The following DST variants were observed in gnomAD, a reference collection of about 807,000 sequenced individuals.
The protein encoded by DST is dystonin.
Under a neutral mutation model 875.2 loss-of-function variants are expected in DST, and 253 were observed. The ratio of observed to expected loss-of-function variants is 0.29; its 90% CI spans 0.26 to 0.32. The LOEUF is 0.32. Among genes scored for constraint, DST ranks in the 10% least tolerant of loss-of-function variants. The probability of loss-of-function intolerance (pLI) is 1.00; values close to 1 mark genes in which losing one functional copy is unlikely to be tolerated. For missense variants in DST, 8,287 were observed against 9,111.6 expected, an observed-to-expected ratio of 0.91 and a Z score of 3.68; for synonymous variants, 3,124 against 3,197.1, an observed-to-expected ratio of 0.98 and a Z score of 0.77.
At chr6:56,562,979 A>G (rs942047465) in intron 55 of DST, among the ~76,000 whole-genome samples, 2 of 152,102 alleles carry the variant, frequency 1.3e-5, no homozygotes, top group Non-Finnish European at 2.9e-5. Flanking sequence ...TTCTTTATCC[A>G]GTCTATCATT....
intron 2 of DST, among the ~76,000 whole-genome samples, chr6:56,948,019 AAT>A (rs1180696255): frequency 2.6e-5 from 4 of 152,170 alleles, no homozygotes; most frequent in African/African-American, 9.7e-5. Context: ...CATCAATCAG[AAT>A]ATGTTTTCTA....
Position 56,536,880 on chromosome 6 carries a change from C to A in DST, c.16669G>T (p.Gly5557Cys), listed in dbSNP as rs774048126. 2.5e-6 allele frequency: 4 copies of A among 1,613,800 alleles called. No homozygotes were observed. The highest frequency in any genetic ancestry group is 3.4e-6 in the Non-Finnish European group (4 of 1,179,842). The change falls in exon 62 of 104, where the codon GGT becomes TGT. Residue 5557 changes from glycine to cysteine, a missense_variant. By Grantham distance (159) the Gly-to-Cys change is radical (BLOSUM62 -3). Coordinates refer to ENST00000680361, the MANE Select transcript of DST (RefSeq NM_001374736.1). ...QGKQQDVNWL[G>C]QGLIQSAAKS... ...GCAGCACTCTGAATAAGGCCTTGAC[C>A]TAACCAGTTTACATCTTGCTGTTTA...
intron 16 of DST, 62 bp downstream of exon 16, chr6:56,642,348 G>A: frequency 8.3e-7 from 1 of 1,204,130 alleles, no homozygotes; most frequent in Non-Finnish European, 1.2e-6. Context: ...AAAAGTTTTA[G>A]TTCATCCAAA....
intron 36 of DST, chr6:56,618,338 T>A: frequency 6.2e-7 from 1 of 1,614,164 alleles, no homozygotes; most frequent in Non-Finnish European, 8.5e-7. Flanking sequence ...GTGTCCAGTG[T>A]TTCTAGAGGA....
At chr6:56,530,769 G>A (rs908690774) in intron 64 of DST, among the ~76,000 whole-genome samples, 2 of 152,148 alleles carry the variant, frequency 1.3e-5, no homozygotes, top group Non-Finnish European at 2.9e-5. Flanking sequence ...TTGGAAATAC[G>A]TTTCCTCAGT....
chr6:56,813,390 TAAAAAAA>T (rs71549727), intron 4 of DST, among the ~76,000 whole-genome samples: 2 of 140,614 alleles, frequency 1.4e-5, no homozygotes, highest in Non-Finnish European at 1.5e-5. Context: ...ATAATAATAA[TAAAAAAA>T]AAAATAAAAT....
rs564958115 is a variant in DST at position 56,460,192 on chromosome 6, G to A, written c.23133C>T (p.His7711=). 1 of 1,613,998 alleles carries A rather than the reference G, an allele frequency of 6.2e-7. No homozygotes were observed. The highest frequency in any genetic ancestry group is 1.7e-5 in the Admixed American group (1 of 60,028). The part of the protein sequence containing the change: ...LPGYLSGKGF[H]SGEDSGLITT... ...TTATCAAGCCACTGTCCTCCCCAGA[G>A]TGGAAGCCTTTCCCTGATAAATATC... The change falls in exon 103 of 104, where the codon CAC becomes CAT. Residue 7711 remains histidine, a synonymous_variant. Transcript: ENST00000680361.
chr6:56,787,049 C>G (rs1334532087), intron 4 of DST, among the ~76,000 whole-genome samples: 1 of 152,200 alleles, frequency 6.6e-6, no homozygotes, highest in Non-Finnish European at 1.5e-5. Flanking sequence ...TTACACACAA[C>G]AAATAATTTC....
At chr6:56,544,195 T>C (rs933789296) in intron 61 of DST, among the ~76,000 whole-genome samples, 3 of 152,162 alleles carry the variant, frequency 2.0e-5, no homozygotes, top group African/African-American at 7.2e-5. Flanking sequence ...GACTGGGAAA[T>C]AGTAGAGGCC....
At position 56,887,173 on chromosome 6, in the gene DST, A is replaced by T. The variant is rs1455200132; in HGVS notation, c.417+13248T>A. ...ATTGTATCACTAAAAGTACTGAAGC[A>T]GAGAGGAATCTAGCATTACAAAAAC... On this transcript the variant is annotated intron_variant, in intron 3 of 103. Transcript: ENST00000680361. Among the ~76,000 whole-genome samples the T allele has an allele frequency of 7.9e-5, 12 of 152,350 alleles. No homozygotes were observed. The East Asian group carries it at 2.3e-3, about 29-fold the overall frequency.
intron 4 of DST, among the ~76,000 whole-genome samples, chr6:56,833,878 T>C (rs1397867095): frequency 6.6e-6 from 1 of 151,656 alleles, no homozygotes; most frequent in Non-Finnish European, 1.5e-5. Flanking sequence ...AAAGGACTGG[T>C]ATCCAAAATA....
intron 10 of DST, among the ~76,000 whole-genome samples, chr6:56,663,013 C>T (rs2099053123): frequency 6.6e-6 from 1 of 152,064 alleles, no homozygotes; most frequent in African/African-American, 2.4e-5. Flanking sequence ...TAATGGGAGG[C>T]TTCATATTAC....
intron 36 of DST, chr6:56,619,447 A>G: frequency 6.2e-7 from 1 of 1,612,112 alleles, no homozygotes; most frequent in South Asian, 1.1e-5. Context: ...GTTCTTTTAG[A>G]TGATCTGATT....
intron 49 of DST, among the ~76,000 whole-genome samples, chr6:56,585,442 C>A (rs1189454918): frequency 6.6e-6 from 1 of 151,740 alleles, no homozygotes; most frequent in Non-Finnish European, 1.5e-5. Flanking sequence ...GTGGTGATAT[C>A]CCCTTTATCA....
chr6:56,608,115 G>A lies in DST; in HGVS notation c.6513C>T (p.Ser2171=). The A allele has an allele frequency of 1.2e-6, 2 of 1,613,700 alleles. No individual in the cohort carries two copies. Among genetic ancestry groups the A allele is most frequent in the East Asian group, 2.2e-5 (1 of 44,866 alleles). Residue 2171 remains serine, a synonymous_variant, in exon 40 of 104, where the codon TCC becomes TCT. Coordinates refer to ENST00000680361, the MANE Select transcript of DST (RefSeq NM_001374736.1). The part of the protein sequence containing the change: ...RWLSFCKFQP[S]TVHDYRQEED... ...CTTCTTGTCTGTAATCATGAACTGT[G>A]GAGGGTTGAAATTTACAAAAAGAGA...
chr6:56,556,699 C>T (rs2097425613), intron 59 of DST, among the ~76,000 whole-genome samples: 1 of 152,194 alleles, frequency 6.6e-6, no homozygotes, highest in African/African-American at 2.4e-5. Context: ...AGAGCTTCTG[C>T]TATTATGCCT....
chr6:56,919,785 A>G (rs1803116850), intron 2 of DST, among the ~76,000 whole-genome samples: 1 of 152,102 alleles, frequency 6.6e-6, no homozygotes, highest in African/African-American at 2.4e-5. Flanking sequence ...CATCTCTACT[A>G]AAAATACAAT....
intron 4 of DST, among the ~76,000 whole-genome samples, chr6:56,763,239 T>G (rs2099622023): frequency 6.6e-6 from 1 of 152,208 alleles, no homozygotes; most frequent in African/African-American, 2.4e-5. Context: ...TCTCCTTACA[T>G]ATTTCAGGCA....
intron 55 of DST, among the ~76,000 whole-genome samples, chr6:56,567,662 G>C (rs2097703535): frequency 6.6e-6 from 1 of 152,030 alleles, no homozygotes; most frequent in African/African-American, 2.4e-5. Flanking sequence ...AGGATTAATA[G>C]AGTGGAATAA....
Sources: allele counts gnomAD v4.1 joint callset (sites outside exome capture counted in the v4.1 genomes callset), GRCh38; gene constraint gnomAD v4.1.1; transcripts MANE v1.5; gene names NCBI Gene and HGNC (gene_info 2026-07-23, HGNC 2026-07-21).